The following ZNF268 variants were observed in gnomAD, a reference collection of about 807,000 sequenced individuals.
The protein encoded by ZNF268 is zinc finger protein 268.
ZNF268 carries 20 observed loss-of-function variants against 29.3 expected under a neutral mutation model. That is an observed-to-expected ratio of 0.68 (90% CI 0.48 to 0.99). The LOEUF (loss-of-function observed/expected upper bound fraction) is 0.99, where lower values mean the gene tolerates loss of function less well. Among genes scored for constraint, ZNF268 ranks in the 50% least tolerant of loss-of-function variants. The pLI is 0.00. For synonymous variants in ZNF268, 429 were observed against 376.9 expected (o/e 1.14, Z -1.60); for missense variants, 1,240 against 1,121.6 (o/e 1.11, Z -1.51).
chr12:133,184,970 G>A (rs1258896830), intron 2 of ZNF268, among the ~76,000 whole-genome samples: 1 of 152,110 alleles, frequency 6.6e-6, no homozygotes, highest in Non-Finnish European at 1.5e-5. Flanking sequence ...GATCATCTGA[G>A]GTCAGGAGTT....
chr12:133,203,859 G>C lies in ZNF268; in HGVS notation c.2173G>C (p.Glu725Gln). 1 of 1,567,918 alleles carries C rather than the reference G, an allele frequency of 6.4e-7. No individual in the cohort carries two copies. Among genetic ancestry groups the C allele is most frequent in the Non-Finnish European group, 8.6e-7 (1 of 1,161,954 alleles). Residue 725 changes from glutamate (E) to glutamine (Q), a missense_variant, in exon 6 of 6, where the codon GAG becomes CAG. By Grantham distance (29) the Glu-to-Gln change is conservative. This residue lies in a region of ZNF268 where 1,177 missense variants were observed against 1,039.6 expected (regional missense o/e 1.13). Transcript: ENST00000536435. ...AACTCATACAGGAGAGAAACCACAT[G>C]AGTGCAGGGAATGCGGGAAATCCTT... The part of the protein sequence containing the change: ...MRTHTGEKPH[E>Q]CRECGKSFSF...
intron 2 of ZNF268, among the ~76,000 whole-genome samples, chr12:133,186,831 T>C (rs1354330040): frequency 6.6e-6 from 1 of 152,210 alleles, no homozygotes; most frequent in Non-Finnish European, 1.5e-5. Context: ...CACAAAAGAC[T>C]AGATATTATA....
In ZNF268 at chr12:133,203,836, C is replaced by G. The variant is rs1233484878; in HGVS notation, c.2150C>G (p.Thr717Ser). The G allele has an allele frequency of 1.3e-6, 2 of 1,563,950 alleles. No homozygotes were observed. The highest frequency in any genetic ancestry group is 8.6e-7 in the Non-Finnish European group (1 of 1,160,786). Residue 717 changes from threonine to serine, a missense_variant, in exon 6 of 6, where the codon ACT becomes AGT. Transcript: ENST00000536435. ...SKSYLIIHMR[T>S]HTGEKPHECR... ...TCATACCTTATTATACATATGAGAA[C>G]TCATACAGGAGAGAAACCACATGAG...
chr12:133,192,138 C>G (rs1273454635), intron 5 of ZNF268, 135 bp downstream of exon 5: 1 of 654,656 alleles, frequency 1.5e-6, no homozygotes, highest in South Asian at 2.3e-5. Flanking sequence ...GACAGAGTTT[C>G]ACTTTGTTGC....
rs1261348070 is a variant in ZNF268 at position 133,204,692 on chromosome 12, G to T, written c.*162G>T. The T allele has an allele frequency of 1.8e-6, 1 of 543,738 alleles. No homozygotes were observed. Among genetic ancestry groups the T allele is most frequent in the Non-Finnish European group, 3.1e-6 (1 of 323,136 alleles). 33.7% of individuals were successfully genotyped at this position (543,738 alleles called of 1,614,324 possible). On this transcript the variant is annotated 3_prime_UTR_variant, in exon 6 of 6. Transcript: ENST00000536435. ...TATGGAAAGGCATCCACAGAAAGCT[G>T]TTCTTTACATGCAAAAAGATAGTAG...
intron 5 of ZNF268, among the ~76,000 whole-genome samples, chr12:133,200,512 G>C (rs1277621104): frequency 6.6e-6 from 1 of 152,108 alleles, no homozygotes; most frequent in Non-Finnish European, 1.5e-5. Flanking sequence ...TTGTTGATTT[G>C]GGGTGGAGAG....
In ZNF268 at chr12:133,202,447, C is replaced by T; in HGVS notation, c.761C>T (p.Ser254Phe). ...ATAAAATACTGTGAAAGTATTGAAT[C>T]TGGAAAAACCGTCAATAAGAAATCG... The part of the protein sequence containing the change: ...IGIKYCESIE[S>F]GKTVNKKSQL... Residue 254 changes from serine (S) to phenylalanine (F), a missense_variant, in exon 6 of 6, where the codon TCT becomes TTT. This residue lies in a region of ZNF268 where 1,177 missense variants were observed against 1,039.6 expected (regional missense o/e 1.13). Transcript: ENST00000536435. The T allele has an allele frequency of 1.2e-6, 2 of 1,611,240 alleles. No individual in the cohort carries two copies. The highest frequency in any genetic ancestry group is 1.1e-5 in the South Asian group (1 of 90,788).
intron 3 of ZNF268, among the ~76,000 whole-genome samples, chr12:133,189,876 C>T (rs778376661): frequency 3.3e-5 from 5 of 152,308 alleles, no homozygotes; most frequent in Admixed American, 6.5e-5. Flanking sequence ...GGCACGACCT[C>T]GGCTCACTGT....
At chr12:133,191,150 A>G (rs1477846344) in intron 3 of ZNF268, among the ~76,000 whole-genome samples, 1 of 152,076 alleles carries the variant, frequency 6.6e-6, no homozygotes, top group Non-Finnish European at 1.5e-5. Context: ...CCCCGTCTCT[A>G]CTAAAAATAC....
intron 3 of ZNF268, among the ~76,000 whole-genome samples, chr12:133,188,362 A>G (rs949497044): frequency 6.6e-6 from 1 of 151,924 alleles, no homozygotes; most frequent in African/African-American, 2.4e-5. Flanking sequence ...TGCCTGGCTG[A>G]TGTTTTTTAT....
intron 2 of ZNF268, among the ~76,000 whole-genome samples, chr12:133,183,209 G>A (rs942783992): frequency 6.6e-6 from 1 of 152,190 alleles, no homozygotes; most frequent in Non-Finnish European, 1.5e-5. Flanking sequence ...CGAGTCCCTG[G>A]TTGGGGACTG....
chr12:133,204,134 C>T lies in ZNF268; in HGVS notation c.2448C>T (p.Ala816=), dbSNP rs1245018374. The T allele has an allele frequency of 1.3e-6, 2 of 1,543,784 alleles. No individual in the cohort carries two copies. Among genetic ancestry groups the T allele is most frequent in the Non-Finnish European group, 1.7e-6 (2 of 1,147,558 alleles). ...ATGAATGTAATGAATGTGGGAAAGC[C>T]TTCATTTGGAAATCACTACTCATTG... ...KPYECNECGK[A]FIWKSLLIVH... The change falls in exon 6 of 6, where the codon GCC becomes GCT. Residue 816 remains alanine (A), a synonymous_variant. Coordinates refer to ENST00000536435, the MANE Select transcript of ZNF268 (RefSeq NM_003415.3).
In ZNF268 at chr12:133,203,926, CAGG is replaced by C; in HGVS notation, c.2243_2245del (p.Gly748del). Reference sequence around the variant, plus strand: ...CTCATTGTGCATCAGAGAATTCACACAGGAGAAAATCCCTATGAATGCAGTGAA... The same window carrying C: ...CTCATTGTGCATCAGAGAATTCACACAGAAAATCCCTATGAATGCAGTGAA... On this transcript the variant is annotated inframe_deletion, in exon 6 of 6. Transcript: ENST00000536435. 1 of 1,591,564 alleles carries C rather than the reference CAGG, an allele frequency of 6.3e-7. No individual in the cohort carries two copies. The highest frequency in any genetic ancestry group is 8.5e-7 in the Non-Finnish European group (1 of 1,171,096).
intron 5 of ZNF268, among the ~76,000 whole-genome samples, chr12:133,197,227 C>G (rs898628032): frequency 3.0e-5 from 4 of 134,650 alleles, no homozygotes; most frequent in Non-Finnish European, 4.7e-5. Flanking sequence ...GTGATGTTCC[C>G]CTTCCTGTGT....
At position 133,202,921 on chromosome 12, in the gene ZNF268, G is replaced by T. The variant is rs1956790158; in HGVS notation, c.1235G>T (p.Gly412Val). Residue 412 changes from glycine (G) to valine (V), a missense_variant, in exon 6 of 6, where the codon GGA (glycine) becomes GTA (valine). By Grantham distance (109) the Gly-to-Val change is moderately radical (BLOSUM62 -3). This residue lies in a region of ZNF268 where 1,177 missense variants were observed against 1,039.6 expected (regional missense o/e 1.13). Transcript: ENST00000536435. Reference protein sequence around the residue: ...QLIIHERIHTGEKPYECNECQ... With the variant: ...QLIIHERIHTVEKPYECNECQ... ...ATTATACATGAAAGAATTCATACAG[G>T]AGAGAAACCATATGAATGCAATGAA... 1 of 1,546,284 alleles carries T rather than the reference G, an allele frequency of 6.5e-7. No individual in the cohort carries two copies.
In ZNF268 at chr12:133,202,895, CATT is replaced by C. The variant is rs1426299856; in HGVS notation, c.1212_1214del (p.Ile405del). ...AAGCTTTTGGTTTAAAATCACAGCT[CATT>C]ATACATGAAAGAATTCATACAGGAG... On this transcript the variant is annotated inframe_deletion, in exon 6 of 6. Coordinates refer to ENST00000536435, the MANE Select transcript of ZNF268 (RefSeq NM_003415.3). 1 of 1,551,670 alleles carries C rather than the reference CATT, an allele frequency of 6.4e-7. No homozygotes were observed. Among genetic ancestry groups the C allele is most frequent in the Non-Finnish European group, 8.7e-7 (1 of 1,152,388 alleles).
At chr12:133,192,836 T>A (rs2135500570) in intron 5 of ZNF268, among the ~76,000 whole-genome samples, 1 of 152,298 alleles carries the variant, frequency 6.6e-6, no homozygotes, top group African/African-American at 2.4e-5. Flanking sequence ...ATTTCTTGTA[T>A]TTTTTGTAGA....
At chr12:133,200,222 G>A (rs1310406885) in intron 5 of ZNF268, among the ~76,000 whole-genome samples, 1 of 152,150 alleles carries the variant, frequency 6.6e-6, no homozygotes, top group Non-Finnish European at 1.5e-5. Context: ...ATTCTGGTAT[G>A]TTGTGTCTTT....
At position 133,207,482 on chromosome 12, in the gene ZNF268, T is replaced by C. The variant is rs1956921169; in HGVS notation, c.*2952T>C. 6.6e-6 allele frequency: 1 copy of C among 152,242 alleles called. No homozygotes were observed. The highest frequency in any genetic ancestry group is 1.5e-5 in the Non-Finnish European group (1 of 68,052). The allele number at this position is 152,242 out of a possible 1,614,324, so 9.4% of individuals were successfully genotyped here. The stretch of plus-strand genomic sequence containing the variant: ...CTTTGTTCATTACCAGCAGAATCAC[T>C]ATTATTTATAATGGCAGTATGCCCA... On this transcript the variant is annotated 3_prime_UTR_variant, in exon 6 of 6. Coordinates refer to ENST00000536435, the MANE Select transcript of ZNF268 (RefSeq NM_003415.3).
Sources: allele counts gnomAD v4.1 joint callset (sites outside exome capture counted in the v4.1 genomes callset), GRCh38; gene constraint gnomAD v4.1.1; regional missense constraint gnomAD v4.1.1; transcripts MANE v1.5; gene names NCBI Gene and HGNC (gene_info 2026-07-23, HGNC 2026-07-21).